Variants in DNER observed in about 807,000 individuals in gnomAD.
The protein encoded by DNER is delta and Notch-like epidermal growth factor-related receptor.
In DNER, 33 loss-of-function variants were observed where a neutral mutation model predicts 78.2. That is an observed-to-expected ratio of 0.42 (90% CI 0.32 to 0.56). The LOEUF is 0.56. Among genes scored for constraint, DNER ranks in the 20% least tolerant of loss-of-function variants. DNER has a pLI of 0.11. For synonymous variants in DNER, 417 were observed against 384.8 expected, an observed-to-expected ratio of 1.08 and a Z score of -0.98; for missense variants, 918 against 975.3, an observed-to-expected ratio of 0.94 and a Z score of 0.78.
At chr2:229,629,916 A>G (rs1317227368) in intron 1 of DNER, among the ~76,000 whole-genome samples, 1 of 152,252 alleles carries the variant, frequency 6.6e-6, no homozygotes, top group South Asian at 2.1e-4. Context: ...AGAAGCATCC[A>G]ACACAATATT....
intron 4 of DNER, among the ~76,000 whole-genome samples, chr2:229,549,692 A>G (rs1696693499): frequency 6.6e-6 from 1 of 152,088 alleles, no homozygotes; most frequent in Admixed American, 6.5e-5. Flanking sequence ...CGCGTGGATC[A>G]TGAGGTCAGG....
chr2:229,665,183 C>G (rs1184855036), intron 1 of DNER, among the ~76,000 whole-genome samples: 1 of 152,062 alleles, frequency 6.6e-6, no homozygotes, highest in African/African-American at 2.4e-5. Context: ...AAAGCCATCA[C>G]AAGAAGACTG....
intron 2 of DNER, among the ~76,000 whole-genome samples, chr2:229,589,076 T>C (rs894513432): frequency 2.6e-5 from 4 of 152,196 alleles, no homozygotes; most frequent in African/African-American, 7.2e-5. Flanking sequence ...TGGATGTATA[T>C]TTTTTTAAAA....
chr2:229,530,567 C>T (rs970239239), intron 5 of DNER, among the ~76,000 whole-genome samples: 6 of 152,254 alleles, frequency 3.9e-5, no homozygotes, highest in Admixed American at 2.6e-4. Context: ...ACTGTATTCA[C>T]GGCAATGGCC....
chr2:229,465,793 G>T (rs1559359044), intron 7 of DNER, among the ~76,000 whole-genome samples: 1 of 152,014 alleles, frequency 6.6e-6, no homozygotes, highest in African/African-American at 2.4e-5. Flanking sequence ...GCAGAGATTC[G>T]AAAGGCAGGG....
intron 5 of DNER, among the ~76,000 whole-genome samples, chr2:229,523,313 G>A (rs1351505972): frequency 6.6e-6 from 1 of 152,212 alleles, no homozygotes; most frequent in East Asian, 1.9e-4. Flanking sequence ...CCGTAACGAA[G>A]TATCACAGAG....
At chr2:229,707,680 T>G (rs1016864670) in intron 1 of DNER, among the ~76,000 whole-genome samples, 3 of 152,232 alleles carry the variant, frequency 2.0e-5, no homozygotes, top group Admixed American at 6.5e-5. Flanking sequence ...TGAGAGCTCT[T>G]CCTCTCAAAG....
At chr2:229,382,264 A>G (rs2106333007) in intron 11 of DNER, among the ~76,000 whole-genome samples, 1 of 152,336 alleles carries the variant, frequency 6.6e-6, no homozygotes, top group Non-Finnish European at 1.5e-5. Context: ...TCCAAAGGTC[A>G]CCAACATCAA....
At chr2:229,433,180 C>T (rs1037001542) in intron 8 of DNER, among the ~76,000 whole-genome samples, 6 of 152,140 alleles carry the variant, frequency 3.9e-5, no homozygotes, top group South Asian at 2.1e-4. Context: ...CTATGTGATC[C>T]GTCCGCCTTG....
intron 1 of DNER, chr2:229,701,869 AC>A (rs1464719955): frequency 6.4e-6 from 1 of 155,992 alleles, no homozygotes; most frequent in African/African-American, 2.4e-5. Context: ...AAATCACAAG[AC>A]CTTTTTTGCC....
At chr2:229,548,261 T>C (rs1696662289) in intron 4 of DNER, among the ~76,000 whole-genome samples, 1 of 152,046 alleles carries the variant, frequency 6.6e-6, no homozygotes, top group South Asian at 2.1e-4. Flanking sequence ...CAAAAGTAAA[T>C]CTAGATGGCT....
chr2:229,385,472 G>A (rs1253109514), intron 11 of DNER, among the ~76,000 whole-genome samples: 10 of 152,170 alleles, frequency 6.6e-5, no homozygotes. Context: ...TTCTGGCCAG[G>A]TCAATCAGGC....
At chr2:229,431,181 A>T (rs1422453185) in intron 8 of DNER, among the ~76,000 whole-genome samples, 3 of 152,176 alleles carry the variant, frequency 2.0e-5, no homozygotes, top group Non-Finnish European at 4.4e-5. Context: ...AAACCAAACG[A>T]CCACTATCTG....
At chr2:229,500,212 C>T (rs535885502) in intron 6 of DNER, among the ~76,000 whole-genome samples, 1 of 152,256 alleles carries the variant, frequency 6.6e-6, no homozygotes, top group South Asian at 2.1e-4. Flanking sequence ...GGATTACAGG[C>T]GTGAGCCACC....
chr2:229,641,532 C>T (rs975940062), intron 1 of DNER, among the ~76,000 whole-genome samples: 1 of 123,552 alleles, frequency 8.1e-6, no homozygotes, highest in Non-Finnish European at 1.6e-5. Context: ...CACACACACA[C>T]TTGCTCACCT....
chr2:229,474,624 C>T (rs1474437140), intron 7 of DNER, among the ~76,000 whole-genome samples: 1 of 152,172 alleles, frequency 6.6e-6, no homozygotes, highest in Admixed American at 6.5e-5. Flanking sequence ...TGAGACCAGG[C>T]TTCTTCCAGA....
At chr2:229,364,741 T>C (rs576216459) in intron 12 of DNER, among the ~76,000 whole-genome samples, 17 of 152,208 alleles carry the variant, frequency 1.1e-4, no homozygotes, top group African/African-American at 3.9e-4. Context: ...GATCTGAGAA[T>C]TGGGTTTGGG....
At chr2:229,597,633 T>C (rs1697746156) in intron 1 of DNER, among the ~76,000 whole-genome samples, 2 of 152,150 alleles carry the variant, frequency 1.3e-5, no homozygotes, top group Admixed American at 6.5e-5. Context: ...ATTCTAATGA[T>C]GGGGAAAAAT....
intron 9 of DNER, among the ~76,000 whole-genome samples, chr2:229,408,147 C>CT (rs1045059064): frequency 5.9e-5 from 9 of 151,560 alleles, no homozygotes; most frequent in African/African-American, 9.7e-5. Flanking sequence ...TTCTCATTTA[C>CT]TTTTTTTAAA....
Sources: gnomAD v4.1 joint callset for allele counts (sites outside exome capture counted in the v4.1 genomes callset) on GRCh38, gnomAD v4.1.1 for gene constraint, MANE v1.5 for transcripts, NCBI Gene and HGNC (gene_info 2026-07-23, HGNC 2026-07-21) for gene names.